RGSL1: variants seen among roughly 807,000 people sequenced by gnomAD.
RGSL1 encodes regulator of G protein signaling like 1.
RGSL1 carries 97 observed loss-of-function variants against 124.7 expected under a neutral mutation model. That is an observed-to-expected ratio of 0.78 (90% CI 0.66 to 0.92). The LOEUF (loss-of-function observed/expected upper bound fraction) is 0.92. Ranked by LOEUF, RGSL1 falls within the 40% of genes least tolerant of loss-of-function variation. RGSL1 has a pLI of 0.00. For missense variants in RGSL1, 1,233 were observed against 1,288.4 expected (o/e 0.96, Z 0.66); for synonymous variants, 424 against 438.1 (o/e 0.97, Z 0.40).
chr1:182,481,144 T>TA (rs1269426941), intron 6 of RGSL1, among the ~76,000 whole-genome samples: 1 of 151,994 alleles, frequency 6.6e-6, no homozygotes, highest in African/African-American at 2.4e-5. Context: ...AATCAATTTT[T>TA]AAAAACATAA....
At chr1:182,461,003 A>C (rs577661412) in intron 4 of RGSL1, among the ~76,000 whole-genome samples, 22 of 152,290 alleles carry the variant, frequency 1.4e-4, no homozygotes, top group South Asian at 1.0e-3. Flanking sequence ...GCTACTTCTG[A>C]TCACAGAAGT....
chr1:182,488,136 G>A, intron 6 of RGSL1, 149 bp from the exon 7 acceptor site: 1 of 692,200 alleles, frequency 1.4e-6, no homozygotes. Context: ...CTCCTGGTTG[G>A]TCATAGCTAA....
At chr1:182,552,264 C>A (rs1489657362) in intron 18 of RGSL1, among the ~76,000 whole-genome samples, 1 of 152,112 alleles carries the variant, frequency 6.6e-6, no homozygotes, top group Non-Finnish European at 1.5e-5. Context: ...CAGGCACCTG[C>A]CACTGCGCCC....
At chr1:182,448,405 G>C (rs367778655), upstream of RGSL1, 2 of 152,164 alleles carry the variant, frequency 1.3e-5, no homozygotes, top group East Asian at 3.9e-4. Context: ...TGTATTTTTA[G>C]TAGAGAAGGG....
At position 182,547,163 on chromosome 1, in the gene RGSL1, A is replaced by G. The variant is rs76444113; in HGVS notation, c.2670-1154A>G. On this transcript the variant is annotated intron_variant, in intron 15 of 21. Transcript: ENST00000294854. ...AAAAAACAACTATGACGTGCTCTCT[A>G]TTTCTAAGATCCCACAAACTAATGA... is the stretch of plus-strand genomic sequence containing the variant. Among the ~76,000 whole-genome samples, 496 of 152,314 alleles carry G rather than the reference A, an allele frequency of 3.3e-3. 7 individuals carry two copies. The highest frequency in any genetic ancestry group is 0.011 in the African/African-American group (472 of 41,562).
At chr1:182,526,060 A>C (rs2477882) in intron 10 of RGSL1, among the ~76,000 whole-genome samples, 131,519 of 152,166 alleles carry the variant, frequency 0.86, 57,159 homozygotes, top group Non-Finnish European at 0.89. Context: ...AATGTGAATA[A>C]ATCTATAATA....
At chr1:182,518,854 G>A (rs1658103805) in intron 9 of RGSL1, among the ~76,000 whole-genome samples, 1 of 145,358 alleles carries the variant, frequency 6.9e-6, no homozygotes, top group Non-Finnish European at 1.5e-5. Context: ...TCTCAGCATT[G>A]TACATTTGTT....
intron 3 of RGSL1, among the ~76,000 whole-genome samples, chr1:182,458,648 T>A (rs969757219): frequency 6.6e-6 from 1 of 151,978 alleles, no homozygotes; most frequent in African/African-American, 2.4e-5. Flanking sequence ...ATTTTTTGTA[T>A]TTTTGGTAGA....
intron 9 of RGSL1, among the ~76,000 whole-genome samples, chr1:182,509,038 G>T (rs1274477029): frequency 3.6e-4 from 16 of 44,250 alleles, no homozygotes; most frequent in African/African-American, 1.3e-3. Context: ...CAAGGCAGAA[G>T]AATTTTTCTT....
intron 9 of RGSL1, among the ~76,000 whole-genome samples, chr1:182,496,302 ACCTC>A (rs1655907264): frequency 6.6e-6 from 1 of 151,866 alleles, no homozygotes; most frequent in South Asian, 2.1e-4. Context: ...TGAGCTAATA[ACCTC>A]CCACCAGGCC....
chr1:182,477,122 T>C (rs1654350479), intron 6 of RGSL1, among the ~76,000 whole-genome samples: 1 of 152,184 alleles, frequency 6.6e-6, no homozygotes, highest in Non-Finnish European at 1.5e-5. Flanking sequence ...TGATGAGCTT[T>C]GGGACCCAAG....
At chr1:182,457,219 G>A (rs1420128262) in intron 2 of RGSL1, among the ~76,000 whole-genome samples, 5 of 152,162 alleles carry the variant, frequency 3.3e-5, no homozygotes, top group African/African-American at 1.2e-4. Context: ...GCGGTTCTAG[G>A]AGCTGACCAG....
chr1:182,534,580 T>G (rs796479741), intron 14 of RGSL1, among the ~76,000 whole-genome samples: 2 of 152,302 alleles, frequency 1.3e-5, no homozygotes, highest in African/African-American at 4.8e-5. Context: ...GTAATCTCAG[T>G]AGTTTGGTAG....
chr1:182,501,307 C>CTTTTTTTTTTTTTTTTTTTT (rs141279993), intron 9 of RGSL1, among the ~76,000 whole-genome samples: 4 of 61,336 alleles, frequency 6.5e-5, no homozygotes, highest in East Asian at 5.8e-4. Context: ...TTTTTCTTTT[C>CTTTTTTTTTTTTTTTTTTTT]TTTTTTTTTT....
chr1:182,518,806 C>T (rs1398309179), intron 9 of RGSL1, among the ~76,000 whole-genome samples: 2 of 149,050 alleles, frequency 1.3e-5, no homozygotes, highest in African/African-American at 4.9e-5. Flanking sequence ...GGAACTGTCT[C>T]ATATTATATT....
chr1:182,551,854 T>A (rs1370671776), intron 18 of RGSL1, among the ~76,000 whole-genome samples: 2 of 152,182 alleles, frequency 1.3e-5, no homozygotes, highest in African/African-American at 4.8e-5. Context: ...TTTACTGTGC[T>A]TTTTCTATGT....
At chr1:182,547,171 G>T (rs555483226) in intron 15 of RGSL1, among the ~76,000 whole-genome samples, 2 of 152,310 alleles carry the variant, frequency 1.3e-5, no homozygotes, top group South Asian at 4.1e-4. Context: ...CTATTTCTAA[G>T]ATCCCACAAA....
At chr1:182,557,176 G>A (rs1402860823) in intron 21 of RGSL1, among the ~76,000 whole-genome samples, 1 of 152,134 alleles carries the variant, frequency 6.6e-6, no homozygotes, top group Non-Finnish European at 1.5e-5. Flanking sequence ...GAGCCCCTTG[G>A]GCCCCTGGGA....
At position 182,560,293 on chromosome 1, in the gene RGSL1, C is replaced by T. The variant is rs1478253100; in HGVS notation, c.*180C>T. 3 of 152,106 alleles carry T rather than the reference C, an allele frequency of 2.0e-5. No individual in the cohort carries two copies. Among genetic ancestry groups the T allele is most frequent in the Non-Finnish European group, 2.9e-5 (2 of 68,028 alleles). 9.4% of individuals were successfully genotyped at this position (152,106 alleles called of 1,614,324 possible). A position where few individuals can be genotyped will look rare whatever the true frequency, so the allele number is the denominator to read the frequency against. On this transcript the variant is annotated 3_prime_UTR_variant, in exon 22 of 22. Coordinates refer to ENST00000294854, the MANE Select transcript of RGSL1 (RefSeq NM_001137669.2). Reference sequence around the variant, plus strand: ...TTGTTTTTTAGGAATCTCATACAGCCCATTCAGACTAAAGGGTGATGGAAA... The same window carrying T: ...TTGTTTTTTAGGAATCTCATACAGCTCATTCAGACTAAAGGGTGATGGAAA...
Sources: gnomAD v4.1 joint callset for allele counts (sites outside exome capture counted in the v4.1 genomes callset) on GRCh38, gnomAD v4.1.1 for gene constraint, MANE v1.5 for transcripts, NCBI Gene and HGNC (gene_info 2026-07-23, HGNC 2026-07-21) for gene names.